Variants in NRG3 observed in about 807,000 individuals in gnomAD.
The protein encoded by NRG3 is pro-neuregulin-3, membrane-bound isoform.
A neutral mutation model predicts 66.9 loss-of-function variants in NRG3; 31 were observed. The ratio of observed to expected loss-of-function variants is 0.46; its 90% confidence interval spans 0.35 to 0.63. The LOEUF (loss-of-function observed/expected upper bound fraction) is 0.63, where lower values mean the gene tolerates loss of function less well. NRG3 is among the 20% of genes least tolerant of loss of function. The pLI is 0.00. For missense variants in NRG3, 910 were observed against 878.9 expected (o/e 1.04, Z -0.45); for synonymous variants, 393 against 359.4 (o/e 1.09, Z -1.06).
At chr10:82,125,381 C>A (rs1396205162) in intron 1 of NRG3, among the ~76,000 whole-genome samples, 1 of 152,016 alleles carries the variant, frequency 6.6e-6, no homozygotes, top group Non-Finnish European at 1.5e-5. Flanking sequence ...TATTTTAAAT[C>A]ATTCAGTCTA....
intron 1 of NRG3, among the ~76,000 whole-genome samples, chr10:82,184,437 G>C (rs2073661688): frequency 6.6e-6 from 1 of 152,128 alleles, no homozygotes; most frequent in South Asian, 2.1e-4. Flanking sequence ...ATGGTTTCTG[G>C]GGAAACACTG....
intron 2 of NRG3, among the ~76,000 whole-genome samples, chr10:82,413,263 A>C (rs1411333075): frequency 6.6e-6 from 1 of 152,148 alleles, no homozygotes; most frequent in Non-Finnish European, 1.5e-5. Flanking sequence ...TGTGGAATGG[A>C]TGTTGTATTA....
intron 1 of NRG3, among the ~76,000 whole-genome samples, chr10:82,094,876 G>A (rs990427673): frequency 5.9e-5 from 9 of 152,110 alleles, no homozygotes; most frequent in African/African-American, 2.2e-4. Context: ...AATAGACACT[G>A]GAGACTCAGA....
intron 3 of NRG3, among the ~76,000 whole-genome samples, chr10:82,817,389 C>G (rs1009937319): frequency 6.6e-6 from 1 of 152,154 alleles, no homozygotes; most frequent in Non-Finnish European, 1.5e-5. Context: ...TAGATTTTTT[C>G]TATATTTTAA....
intron 1 of NRG3, among the ~76,000 whole-genome samples, chr10:81,963,896 C>T (rs2059624951): frequency 6.6e-6 from 1 of 152,188 alleles, no homozygotes; most frequent in South Asian, 2.1e-4. Context: ...TCCTCCTCCA[C>T]CTCCAACCAG....
At chr10:82,855,145 T>C (rs1435002469) in intron 3 of NRG3, among the ~76,000 whole-genome samples, 1 of 152,188 alleles carries the variant, frequency 6.6e-6, no homozygotes, top group Non-Finnish European at 1.5e-5. Flanking sequence ...TTTCTTAAAA[T>C]ATGTCCATCA....
intron 2 of NRG3, among the ~76,000 whole-genome samples, chr10:82,434,801 G>A (rs922584749): frequency 1.4e-4 from 21 of 152,134 alleles, no homozygotes; most frequent in Non-Finnish European, 4.4e-5. Context: ...AAGCTGACTT[G>A]ATCGTGGTGG....
chr10:82,116,169 A>C (rs2067700006), intron 1 of NRG3, among the ~76,000 whole-genome samples: 1 of 152,072 alleles, frequency 6.6e-6, no homozygotes, highest in Non-Finnish European at 1.5e-5. Flanking sequence ...TTCCAAAAAA[A>C]ATTTTTTTAG....
At chr10:82,262,910 C>CT (rs2078107889) in intron 1 of NRG3, among the ~76,000 whole-genome samples, 1 of 152,068 alleles carries the variant, frequency 6.6e-6, no homozygotes, top group Admixed American at 6.6e-5. Flanking sequence ...AATCTTAGCA[C>CT]TAACCTAATT....
At chr10:82,299,955 G>A (rs970091429) in intron 1 of NRG3, among the ~76,000 whole-genome samples, 2 of 152,140 alleles carry the variant, frequency 1.3e-5, no homozygotes, top group African/African-American at 2.4e-5. Flanking sequence ...TCGGCCTAAA[G>A]TGTAAACTGT....
At chr10:82,384,434 C>T (rs1253783816) in intron 2 of NRG3, among the ~76,000 whole-genome samples, 1 of 152,126 alleles carries the variant, frequency 6.6e-6, no homozygotes, top group East Asian at 1.9e-4. Context: ...TCCTCCCAAC[C>T]CCCACCCTCT....
chr10:82,625,774 A>T (rs2049376560), intron 2 of NRG3, among the ~76,000 whole-genome samples: 1 of 152,200 alleles, frequency 6.6e-6, no homozygotes, highest in Admixed American at 6.6e-5. Context: ...AACATATTGT[A>T]TGTTGGTTGA....
rs115018451 is a variant in NRG3 at position 82,496,934 on chromosome 10, A to C, written c.953+138066A>C. Among the ~76,000 whole-genome samples, 811 of 152,294 alleles carry C rather than the reference A, an allele frequency of 5.3e-3. 5 individuals carry two copies. Among genetic ancestry groups the C allele is most frequent in the African/African-American group, 0.018 (751 of 41,568 alleles). On this transcript the variant is annotated intron_variant, in intron 2 of 8. Coordinates refer to ENST00000372141, the MANE Select transcript of NRG3 (RefSeq NM_001010848.4). ...ATGGAATACATTGATTTTCATATTTAATATCTAAATTTGTGAAATATTCTG... is the reference window on the plus strand; with the variant it reads ...ATGGAATACATTGATTTTCATATTTCATATCTAAATTTGTGAAATATTCTG...
At chr10:82,571,161 C>G (rs1251272761) in intron 2 of NRG3, among the ~76,000 whole-genome samples, 1 of 151,514 alleles carries the variant, frequency 6.6e-6, no homozygotes, top group Non-Finnish European at 1.5e-5. Context: ...CTGCTCTAAA[C>G]TCCCTTATTT....
At chr10:82,174,497 A>G (rs1356637028) in intron 1 of NRG3, among the ~76,000 whole-genome samples, 1 of 151,414 alleles carries the variant, frequency 6.6e-6, no homozygotes, top group African/African-American at 2.4e-5. Flanking sequence ...ATTACATCCT[A>G]TTTCTTCTGT....
At chr10:82,677,081 G>A (rs1436234611) in intron 2 of NRG3, among the ~76,000 whole-genome samples, 3 of 133,746 alleles carry the variant, frequency 2.2e-5, no homozygotes, top group East Asian at 4.4e-4. Flanking sequence ...TTTTTTAAAA[G>A]CAGGGTCTCA....
intron 3 of NRG3, among the ~76,000 whole-genome samples, chr10:82,771,914 A>C (rs1375062221): frequency 3.9e-5 from 6 of 152,102 alleles, no homozygotes; most frequent in Admixed American, 6.6e-5. Context: ...CTCTTACTTA[A>C]CACTCATATT....
chr10:82,333,809 C>T (rs1312360556), intron 1 of NRG3, among the ~76,000 whole-genome samples: 1 of 151,952 alleles, frequency 6.6e-6, no homozygotes, highest in Admixed American at 6.6e-5. Flanking sequence ...GTGCCCTGGC[C>T]AGGGAGGAGG....
intron 3 of NRG3, among the ~76,000 whole-genome samples, chr10:82,816,597 C>G (rs1229793805): frequency 1.3e-5 from 2 of 151,930 alleles, no homozygotes; most frequent in East Asian, 3.9e-4. Flanking sequence ...GTGGACTCCA[C>G]CTGGAATTCC....
Sources: allele counts gnomAD v4.1 joint callset (sites outside exome capture counted in the v4.1 genomes callset), GRCh38; gene constraint gnomAD v4.1.1; transcripts MANE v1.5; gene names NCBI Gene and HGNC (gene_info 2026-07-23, HGNC 2026-07-21).